HS3ST5: variants seen among roughly 807,000 people sequenced by gnomAD.
HS3ST5 encodes the protein heparan sulfate glucosamine 3-O-sulfotransferase 5.
Under a neutral mutation model 25.4 loss-of-function variants are expected in HS3ST5, and 10 were observed. The observed-to-expected ratio is 0.39, with a 90% CI of 0.24 to 0.67. The LOEUF (loss-of-function observed/expected upper bound fraction) is 0.67. Among genes scored for constraint, HS3ST5 ranks in the 30% least tolerant of loss-of-function variants. The pLI, the probability that HS3ST5 is intolerant of heterozygous loss-of-function variation, is 0.44. For missense variants in HS3ST5, 324 were observed against 420.7 expected (o/e 0.77, Z 2.01); for synonymous variants, 170 against 162.4 (o/e 1.05, Z -0.36).
chr6:114,320,908 CTCTCTCTATA>C (rs1457120156), intron 1 of HS3ST5, among the ~76,000 whole-genome samples: 6 of 100,996 alleles, frequency 5.9e-5, no homozygotes, highest in Non-Finnish European at 4.1e-5. Context: ...CTCTCTCTCT[CTCTCTCTATA>C]TATATATATA....
chr6:114,079,965 T>C (rs191879370), intron 3 of HS3ST5, among the ~76,000 whole-genome samples: 137 of 152,068 alleles, frequency 9.0e-4, no homozygotes, highest in African/African-American at 3.1e-3. Context: ...TTAGTAGAGA[T>C]AGGGTTTCTC....
chr6:114,105,501 G>A (rs907115111), intron 3 of HS3ST5, among the ~76,000 whole-genome samples: 2 of 152,060 alleles, frequency 1.3e-5, no homozygotes, highest in African/African-American at 4.8e-5. Flanking sequence ...ATATAATATT[G>A]ATTATATTTT....
At chr6:114,231,040 GT>G (rs1429545408) in intron 1 of HS3ST5, among the ~76,000 whole-genome samples, 3 of 152,070 alleles carry the variant, frequency 2.0e-5, no homozygotes, top group African/African-American at 7.2e-5. Context: ...AATGTTGGAG[GT>G]GGGGCCTGGT....
intron 1 of HS3ST5, among the ~76,000 whole-genome samples, chr6:114,243,375 C>T (rs1236007408): frequency 6.6e-6 from 1 of 152,172 alleles, no homozygotes; most frequent in Non-Finnish European, 1.5e-5. Flanking sequence ...TTCTCCCTTT[C>T]TCTGACTTCT....
At chr6:114,065,916 T>A (rs1438673091) in intron 3 of HS3ST5, among the ~76,000 whole-genome samples, 1 of 152,194 alleles carries the variant, frequency 6.6e-6, no homozygotes, top group Admixed American at 6.5e-5. Context: ...TGCACAATGC[T>A]TCGTCCACTT....
intron 1 of HS3ST5, among the ~76,000 whole-genome samples, chr6:114,287,673 C>G (rs891566375): frequency 5.3e-5 from 8 of 151,854 alleles, no homozygotes; most frequent in African/African-American, 1.9e-4. Flanking sequence ...ATTCAAGAAG[C>G]CTGAAACAAA....
At chr6:114,181,352 T>C (rs1779960416) in intron 2 of HS3ST5, among the ~76,000 whole-genome samples, 2 of 152,242 alleles carry the variant, frequency 1.3e-5, no homozygotes, top group Admixed American at 6.5e-5. Flanking sequence ...TGAAATTTCA[T>C]AGATACAATG....
At chr6:114,244,556 G>C (rs921600964) in intron 1 of HS3ST5, among the ~76,000 whole-genome samples, 1 of 152,142 alleles carries the variant, frequency 6.6e-6, no homozygotes, top group Non-Finnish European at 1.5e-5. Flanking sequence ...ATTTGAGCAC[G>C]ATGTTTTCTT....
At chr6:114,174,507 A>C (rs1048484728) in intron 2 of HS3ST5, among the ~76,000 whole-genome samples, 2 of 152,170 alleles carry the variant, frequency 1.3e-5, no homozygotes, top group African/African-American at 4.8e-5. Flanking sequence ...TTAAGTGAGA[A>C]GTTCATACAT....
At chr6:114,337,892 C>T (rs185109976) in intron 1 of HS3ST5, among the ~76,000 whole-genome samples, 2 of 152,080 alleles carry the variant, frequency 1.3e-5, no homozygotes, top group African/African-American at 4.8e-5. Flanking sequence ...TAAACCCTCA[C>T]CTTCCTCAAC....
rs144554095 is a variant in HS3ST5, at chr6:114,314,856, T to C, written c.-339+27339A>G. 4.0e-3 allele frequency among the ~76,000 whole-genome samples: 607 copies of C among 152,324 alleles called. 4 individuals are homozygous for C. Among genetic ancestry groups the C allele is most frequent in the African/African-American group, 0.014 (572 of 41,586 alleles). ...ACTCAGAAGTTTTAGATTTAAGACT[T>C]GGCATAAATATTATGTAGGTCACTA... On this transcript the variant is annotated intron_variant, in intron 1 of 4. Transcript: ENST00000312719.
intron 3 of HS3ST5, among the ~76,000 whole-genome samples, chr6:114,105,063 A>C (rs983069151): frequency 6.6e-6 from 1 of 152,212 alleles, no homozygotes; most frequent in Admixed American, 6.5e-5. Context: ...AGCTGTCAAT[A>C]GAACCACTGA....
intron 3 of HS3ST5, among the ~76,000 whole-genome samples, chr6:114,068,564 C>T (rs1404230105): frequency 6.6e-6 from 1 of 152,152 alleles, no homozygotes; most frequent in Non-Finnish European, 1.5e-5. Context: ...AGAAGGCACA[C>T]CATTTGATCC....
At chr6:114,081,470 GA>G (rs1451453066) in intron 3 of HS3ST5, among the ~76,000 whole-genome samples, 11 of 152,242 alleles carry the variant, frequency 7.2e-5, no homozygotes, top group Admixed American at 4.6e-4. Flanking sequence ...ACAGAACTTA[GA>G]AGAAATGAAA....
At chr6:114,252,041 G>C (rs1772688031) in intron 1 of HS3ST5, 1 of 152,148 alleles carries the variant, frequency 6.6e-6, no homozygotes, top group African/African-American at 2.4e-5. Flanking sequence ...TTGACTGAAA[G>C]AGTTAAGAGC....
At chr6:114,214,590 C>G (rs1329193928) in intron 2 of HS3ST5, among the ~76,000 whole-genome samples, 2 of 152,208 alleles carry the variant, frequency 1.3e-5, no homozygotes, top group African/African-American at 4.8e-5. Flanking sequence ...TACTCCTTAA[C>G]TGCACGTCAG....
intron 3 of HS3ST5, among the ~76,000 whole-genome samples, chr6:114,075,528 G>A (rs900225584): frequency 1.3e-5 from 2 of 152,192 alleles, no homozygotes; most frequent in African/African-American, 4.8e-5. Context: ...GTAGCTGTGC[G>A]TTTACGTGGG....
rs1326590076 is a variant in HS3ST5, at chr6:114,062,890, G to T, written c.-32-13C>A. Reference sequence around the variant, plus strand: ...GGACTGCTGCAGCCTGCGATAGAAGGACTCATCAGCAGCCATCTCTTAGAG... The same window carrying T: ...GGACTGCTGCAGCCTGCGATAGAAGTACTCATCAGCAGCCATCTCTTAGAG... On this transcript the variant is annotated splice_polypyrimidine_tract_variant and intron_variant, in intron 3 of 4. Transcript: ENST00000312719. The T allele has an allele frequency of 2.7e-6, 4 of 1,476,074 alleles. No individual in the cohort carries two copies. The highest frequency in any genetic ancestry group is 1.7e-4 in the Middle Eastern group (1 of 5,772). The allele number at this position is 1,476,074 out of a possible 1,614,324, so 91.4% of individuals were successfully genotyped here.
intron 3 of HS3ST5, among the ~76,000 whole-genome samples, chr6:114,129,824 A>G: frequency 6.6e-6 from 1 of 152,250 alleles, no homozygotes; most frequent in East Asian, 1.9e-4. Flanking sequence ...ATTTTGTATA[A>G]AACTCAAACA....
Sources: gnomAD v4.1 joint callset for allele counts (sites outside exome capture counted in the v4.1 genomes callset) on GRCh38, gnomAD v4.1.1 for gene constraint, MANE v1.5 for transcripts, NCBI Gene and HGNC (gene_info 2026-07-23, HGNC 2026-07-21) for gene names.